Variants in CTNNA3 observed in about 807,000 individuals in gnomAD.
CTNNA3 encodes the protein catenin alpha 3, also known as catenin alpha-3.
Under a neutral mutation model 95.7 loss-of-function variants are expected in CTNNA3, and 76 were observed. The ratio of observed to expected loss-of-function variants is 0.79; its 90% confidence interval spans 0.66 to 0.96. CTNNA3 has a LOEUF of 0.96. Among genes scored for constraint, CTNNA3 ranks in the 40% least tolerant of loss-of-function variants. CTNNA3 has a pLI of 0.00. For synonymous variants in CTNNA3, 431 were observed against 374.4 expected (o/e 1.15, Z -1.74); for missense variants, 1,191 against 1,089.8 (o/e 1.09, Z -1.31).
chr10:66,572,794 C>T (rs1010723989), intron 10 of CTNNA3, among the ~76,000 whole-genome samples: 1 of 152,118 alleles, frequency 6.6e-6, no homozygotes, highest in Admixed American at 6.6e-5. Context: ...AAGATGTTTC[C>T]TTCTGTGTGC....
At chr10:66,321,920 C>T (rs2132290559) in intron 12 of CTNNA3, among the ~76,000 whole-genome samples, 1 of 152,236 alleles carries the variant, frequency 6.6e-6, no homozygotes, top group South Asian at 2.1e-4. Context: ...GGAGTAGACA[C>T]ATGAGTCAGA....
intron 9 of CTNNA3, among the ~76,000 whole-genome samples, chr10:66,738,074 T>G (rs1226292055): frequency 1.3e-5 from 2 of 152,202 alleles, no homozygotes; most frequent in Non-Finnish European, 2.9e-5. Context: ...TCACCAGCTT[T>G]CCATGAAACA....
intron 7 of CTNNA3, among the ~76,000 whole-genome samples, chr10:66,852,384 A>G (rs1843530047): frequency 6.6e-6 from 1 of 152,172 alleles, no homozygotes; most frequent in Non-Finnish European, 1.5e-5. Context: ...CTAGACTATT[A>G]GGTCTTTGTG....
rs544413866 is a variant in CTNNA3, at chr10:66,507,255, G to C, written c.1531+13362C>G. ...CACATAATAAGTGAAACATATTTAT[G>C]GGGTACCAAGTGACAGATACATGTA... On this transcript the variant is annotated intron_variant, in intron 11 of 17. Transcript: ENST00000433211. Among the ~76,000 whole-genome samples, 252 of 151,768 alleles carry C rather than the reference G, an allele frequency of 1.7e-3. 1 individual carries two copies. The highest frequency in any genetic ancestry group is 5.9e-3 in the African/African-American group (245 of 41,384).
At chr10:67,562,628 G>C (rs937466047) in intron 3 of CTNNA3, among the ~76,000 whole-genome samples, 6 of 151,390 alleles carry the variant, frequency 4.0e-5, no homozygotes, top group African/African-American at 1.2e-4. Flanking sequence ...AGTGTTGGAA[G>C]TTCTGGCCAG....
chr10:67,158,276 A>T (rs976551903), intron 7 of CTNNA3, among the ~76,000 whole-genome samples: 1 of 152,188 alleles, frequency 6.6e-6, no homozygotes, highest in South Asian at 2.1e-4. Flanking sequence ...CAAAAAAAAA[A>T]TTATATAATA....
At chr10:66,813,841 TGTGA>T (rs995770032) in intron 7 of CTNNA3, among the ~76,000 whole-genome samples, 3 of 52,302 alleles carry the variant, frequency 5.7e-5, no homozygotes, top group Admixed American at 2.4e-4. Flanking sequence ...CGTGTGTGTG[TGTGA>T]GTGTGTGTGT....
chr10:66,829,641 G>A (rs1842642374), intron 7 of CTNNA3, among the ~76,000 whole-genome samples: 1 of 149,358 alleles, frequency 6.7e-6, no homozygotes, highest in African/African-American at 2.5e-5. Context: ...ATATTATACA[G>A]TGTTTCTCAA....
intron 11 of CTNNA3, among the ~76,000 whole-genome samples, chr10:66,396,945 T>G (rs2092982899): frequency 6.6e-6 from 1 of 151,782 alleles, no homozygotes; most frequent in South Asian, 2.1e-4. Context: ...AGCTTTTCAC[T>G]TATAAAGTAA....
chr10:67,048,326 G>A (rs994065657), intron 7 of CTNNA3, among the ~76,000 whole-genome samples: 3 of 151,950 alleles, frequency 2.0e-5, no homozygotes, highest in Non-Finnish European at 4.4e-5. Flanking sequence ...GATTTTGCAT[G>A]GCTTTATTAA....
intron 13 of CTNNA3, among the ~76,000 whole-genome samples, chr10:66,178,008 T>C (rs1211928636): frequency 2.0e-5 from 3 of 152,034 alleles, no homozygotes; most frequent in Admixed American, 1.3e-4. Context: ...AATGAAGTAA[T>C]GTTTATGCCT....
intron 5 of CTNNA3, among the ~76,000 whole-genome samples, chr10:67,368,224 A>AGAAGATGTAGAG (rs1335096780): frequency 5.9e-5 from 9 of 152,264 alleles, no homozygotes; most frequent in African/African-American, 2.2e-4. Context: ...ATCTCACCAA[A>AGAAGATGTAGAG]GAAGATGTAG....
chr10:66,044,704 T>C (rs2079790400), intron 15 of CTNNA3, among the ~76,000 whole-genome samples: 1 of 152,230 alleles, frequency 6.6e-6, no homozygotes, highest in Admixed American at 6.5e-5. Flanking sequence ...TGTGGGATTC[T>C]GTAAAGAATT....
At chr10:66,049,777 C>T (rs1422926505) in intron 15 of CTNNA3, among the ~76,000 whole-genome samples, 1 of 146,912 alleles carries the variant, frequency 6.8e-6, no homozygotes, top group Non-Finnish European at 1.5e-5. Context: ...AAACAAAATA[C>T]ATTAGCATCT....
chr10:66,697,808 C>A (rs1428572853), intron 9 of CTNNA3, among the ~76,000 whole-genome samples: 2 of 152,068 alleles, frequency 1.3e-5, no homozygotes, highest in Middle Eastern at 3.2e-3. Context: ...TAAACTAAAG[C>A]TGCATAAGAG....
chr10:66,606,807 C>T (rs1222035945), intron 10 of CTNNA3, among the ~76,000 whole-genome samples: 2 of 152,032 alleles, frequency 1.3e-5, no homozygotes, highest in East Asian at 3.9e-4. Flanking sequence ...CACTAAATGT[C>T]CACATCAAAA....
intron 5 of CTNNA3, among the ~76,000 whole-genome samples, chr10:67,226,703 C>G (rs936970500): frequency 2.6e-5 from 4 of 152,210 alleles, no homozygotes; most frequent in Non-Finnish European, 5.9e-5. Context: ...CAAGCCACCA[C>G]TACAACAACT....
chr10:67,172,795 G>A (rs1193633408), intron 7 of CTNNA3, among the ~76,000 whole-genome samples: 4 of 152,088 alleles, frequency 2.6e-5, no homozygotes, highest in Admixed American at 6.6e-5. Flanking sequence ...CCAATGTGAT[G>A]AAACCCTGTC....
intron 5 of CTNNA3, among the ~76,000 whole-genome samples, chr10:67,375,358 G>A (rs138478532): frequency 0.044 from 6,734 of 152,190 alleles, 181 homozygotes; most frequent in Non-Finnish European, 0.07. Flanking sequence ...GTAATCCCAG[G>A]ACTTTGGGAA....
Sources: gnomAD v4.1 joint callset for allele counts (sites outside exome capture counted in the v4.1 genomes callset) on GRCh38, gnomAD v4.1.1 for gene constraint, MANE v1.5 for transcripts, NCBI Gene and HGNC (gene_info 2026-07-23, HGNC 2026-07-21) for gene names.